CFAP20: variants seen among roughly 807,000 people sequenced by gnomAD.
CFAP20 encodes the protein cilia and flagella associated protein 20.
A neutral mutation model predicts 25.5 loss-of-function variants in CFAP20; 14 were observed. The ratio of observed to expected loss-of-function variants is 0.55; its 90% CI spans 0.36 to 0.86. CFAP20 has a LOEUF of 0.86. Among genes scored for constraint, CFAP20 ranks in the 40% least tolerant of loss-of-function variants. The pLI, the probability that CFAP20 is intolerant of heterozygous loss-of-function variation, is 0.01. For missense variants in CFAP20, 181 were observed against 248.0 expected, an observed-to-expected ratio of 0.73 and a Z score of 1.81; for synonymous variants, 75 against 91.1, an observed-to-expected ratio of 0.82 and a Z score of 1.01.
rs1960412703 is a variant in CFAP20, at chr16:58,113,592, T to A, written c.*433A>T. 1 of 156,068 alleles carries A rather than the reference T, an allele frequency of 6.4e-6. No homozygotes were observed. 9.7% of individuals were successfully genotyped at this position (156,068 alleles called of 1,614,324 possible). On this transcript the variant is annotated 3_prime_UTR_variant, in exon 6 of 6. Transcript: ENST00000262498. ...TGAAAAAAGACAAACTAGGAACAAA[T>A]TTACAAACCAGGAATATATCACTTT...
chr16:58,125,943 G>T (rs552047354), intron 1 of CFAP20, among the ~76,000 whole-genome samples: 1 of 152,292 alleles, frequency 6.6e-6, no homozygotes, highest in Non-Finnish European at 1.5e-5. Flanking sequence ...TCATGTGTAA[G>T]GTCTGTCGTT....
intron 4 of CFAP20, 83 bp from the exon 5 acceptor site, chr16:58,115,003 G>T: frequency 8.0e-7 from 1 of 1,255,322 alleles, no homozygotes; most frequent in Non-Finnish European, 1.1e-6. Flanking sequence ...CCTCTTCCAG[G>T]ACTGGAAACG....
intron 1 of CFAP20, among the ~76,000 whole-genome samples, chr16:58,127,501 G>T (rs1960631746): frequency 1.3e-5 from 2 of 152,224 alleles, no homozygotes; most frequent in African/African-American, 4.8e-5. Context: ...ACTGAGTCAA[G>T]TGACAGCTGG....
chr16:58,118,505 AAAAAACG>A (rs1020254216), intron 1 of CFAP20, among the ~76,000 whole-genome samples: 8 of 148,288 alleles, frequency 5.4e-5, no homozygotes, highest in African/African-American at 1.7e-4. Flanking sequence ...AAAACAAAAC[AAAAAACG>A]AAAAAAAAAA....
chr16:58,123,595 C>CAA (rs574037205), intron 1 of CFAP20, among the ~76,000 whole-genome samples: 2,399 of 45,688 alleles, frequency 0.053, 586 homozygotes, highest in Non-Finnish European at 0.066. Context: ...GACTCTGTCT[C>CAA]AAAAAAAAAA....
chr16:58,127,954 T>C (rs1350662380), intron 1 of CFAP20, among the ~76,000 whole-genome samples: 5 of 152,206 alleles, frequency 3.3e-5, no homozygotes, highest in African/African-American at 4.8e-5. Flanking sequence ...TCAAAATTCT[T>C]GGCTTCATTA....
intron 2 of CFAP20, 64 bp from the exon 3 acceptor site, chr16:58,116,216 CAAT>C: frequency 8.5e-7 from 1 of 1,174,976 alleles, no homozygotes; most frequent in South Asian, 1.3e-5. Context: ...GTATGCACAA[CAAT>C]AACACACGGT....
At chr16:58,116,592 G>A (rs748397056) in intron 2 of CFAP20, 8 of 469,170 alleles carry the variant, frequency 1.7e-5, no homozygotes, top group East Asian at 3.4e-5. Context: ...TACTGACATC[G>A]TGCTTACTAT....
chr16:58,126,045 G>A (rs1597089578), intron 1 of CFAP20, among the ~76,000 whole-genome samples: 8 of 152,168 alleles, frequency 5.3e-5, no homozygotes, highest in Admixed American at 1.3e-4. Context: ...CTTCATAACC[G>A]TGAGAAATAG....
intron 2 of CFAP20, chr16:58,116,422 G>T: frequency 2.9e-6 from 1 of 342,380 alleles, no homozygotes; most frequent in East Asian, 5.0e-5. Flanking sequence ...CCTCCAGTGA[G>T]AGAAGACCTC....
intron 2 of CFAP20, chr16:58,116,653 C>T (rs1240703689): frequency 5.6e-6 from 3 of 532,888 alleles, no homozygotes; most frequent in East Asian, 2.9e-5. Context: ...ATTTACTCCT[C>T]GCAATAACCC....
chr16:58,116,027 G>C lies in CFAP20; in HGVS notation c.276+14C>G. 1 of 1,561,186 alleles carries C rather than the reference G, an allele frequency of 6.4e-7. No homozygotes were observed. The highest frequency in any genetic ancestry group is 8.8e-7 in the Non-Finnish European group (1 of 1,132,302). On this transcript the variant is annotated intron_variant, in intron 3 of 5. Coordinates refer to ENST00000262498, the MANE Select transcript of CFAP20 (RefSeq NM_013242.3). ...TATAGCCAAGAGTGGACACATTCAT[G>C]TACACATACTTACCTGCACTTCGAA...
chr16:58,123,490 G>A (rs112501575), intron 1 of CFAP20, among the ~76,000 whole-genome samples: 6,937 of 148,252 alleles, frequency 0.047, 201 homozygotes, highest in South Asian at 0.16. Flanking sequence ...CAGCTACTCC[G>A]GAGGCTGAGG....
chr16:58,114,130 G>C, intron 5 of CFAP20, 100 bp from the exon 6 acceptor site: 3 of 1,281,566 alleles, frequency 2.3e-6, no homozygotes, highest in Non-Finnish European at 2.3e-6. Context: ...TGAGTGGACA[G>C]TGACTGTGGA....
At chr16:58,115,642 G>C (rs1960447645) in intron 3 of CFAP20, 185 bp from the exon 4 acceptor site, 1 of 661,792 alleles carries the variant, frequency 1.5e-6, no homozygotes. Flanking sequence ...AGTTTATCTT[G>C]TTTGTTGCCA....
Position 58,125,940 on chromosome 16 carries a change from T to C in CFAP20, c.84+3092A>G, listed in dbSNP as rs74497068. ...AATCTTATGGCACCACTGTCATGTG[T>C]AAGGTCTGTCGTTGACTGAAACGCC... On this transcript the variant is annotated intron_variant, in intron 1 of 5. Coordinates refer to ENST00000262498, the MANE Select transcript of CFAP20 (RefSeq NM_013242.3). Among the ~76,000 whole-genome samples the C allele has an allele frequency of 9.5e-3, 1,440 of 152,346 alleles. 10 individuals carry two copies. Among genetic ancestry groups the C allele is most frequent in the Middle Eastern group, 0.024 (7 of 294 alleles).
At chr16:58,122,694 T>G (rs1960550283) in intron 1 of CFAP20, among the ~76,000 whole-genome samples, 1 of 152,234 alleles carries the variant, frequency 6.6e-6, no homozygotes, top group African/African-American at 2.4e-5. Context: ...TTACCACCTT[T>G]ATGTCCAAAT....
rs749733917 is a variant in CFAP20, at chr16:58,116,028, T to TA, written c.276+12dup. ...ATAGCCAAGAGTGGACACATTCATG[T>TA]ACACATACTTACCTGCACTTCGAAG... On this transcript the variant is annotated intron_variant, in intron 3 of 5. Coordinates refer to ENST00000262498, the MANE Select transcript of CFAP20 (RefSeq NM_013242.3). 6.4e-7 allele frequency: 1 copy of TA among 1,564,864 alleles called. No individual in the cohort carries two copies. The highest frequency in any genetic ancestry group is 2.2e-5 in the East Asian group (1 of 44,614).
chr16:58,115,944 G>T (rs1960451513), intron 3 of CFAP20, 97 bp downstream of exon 3: 1 of 818,738 alleles, frequency 1.2e-6, no homozygotes, highest in Non-Finnish European at 2.0e-6. Flanking sequence ...ACATGCAAAA[G>T]GATAAAGATA....
Sources: allele counts gnomAD v4.1 joint callset (sites outside exome capture counted in the v4.1 genomes callset), GRCh38; gene constraint gnomAD v4.1.1; transcripts MANE v1.5; gene names NCBI Gene and HGNC (gene_info 2026-07-23, HGNC 2026-07-21).